The following FHIT variants were observed in gnomAD, a reference collection of about 807,000 sequenced individuals.
The protein encoded by FHIT is fragile histidine triad diadenosine triphosphatase.
FHIT carries 19 observed loss-of-function variants against 17.9 expected under a neutral mutation model. The ratio of observed to expected loss-of-function variants is 1.06; its 90% CI spans 0.74 to 1.56. The LOEUF is 1.56. FHIT is among the 40% of genes most tolerant of loss of function. FHIT has a pLI of 0.00. For synonymous variants in FHIT, 81 were observed against 69.7 expected (o/e 1.16, Z -0.81); for missense variants, 248 against 189.2 (o/e 1.31, Z -1.82).
intron 4 of FHIT, among the ~76,000 whole-genome samples, chr3:60,560,898 G>A (rs990422915): frequency 1.3e-5 from 2 of 151,012 alleles, no homozygotes; most frequent in Non-Finnish European, 3.0e-5. Flanking sequence ...GAGGAAGTGA[G>A]TAGGAAGGGA....
chr3:60,853,939 T>C (rs1703259973), intron 3 of FHIT, among the ~76,000 whole-genome samples: 1 of 152,134 alleles, frequency 6.6e-6, no homozygotes, highest in Non-Finnish European at 1.5e-5. Flanking sequence ...TGCAAAGATG[T>C]CTTCATGTAA....
intron 7 of FHIT, among the ~76,000 whole-genome samples, chr3:59,986,999 A>G (rs1226429828): frequency 7.7e-6 from 1 of 129,524 alleles, no homozygotes; most frequent in Non-Finnish European, 1.6e-5. Context: ...TATATTTTAT[A>G]TATATTAAAA....
At chr3:60,804,190 C>A (rs1235348798) in intron 4 of FHIT, among the ~76,000 whole-genome samples, 1 of 152,198 alleles carries the variant, frequency 6.6e-6, no homozygotes, top group Admixed American at 6.5e-5. Flanking sequence ...TTTAGCTCCA[C>A]GGAGGGCTAC....
intron 5 of FHIT, among the ~76,000 whole-genome samples, chr3:60,406,106 G>A (rs1701846806): frequency 6.6e-6 from 1 of 152,132 alleles, no homozygotes; most frequent in Non-Finnish European, 1.5e-5. Flanking sequence ...CAGGTACTAT[G>A]CTAAACATCT....
At chr3:60,236,425 G>C (rs1402773911) in intron 5 of FHIT, among the ~76,000 whole-genome samples, 1 of 151,882 alleles carries the variant, frequency 6.6e-6, no homozygotes, top group African/African-American at 2.4e-5. Context: ...CTCTCAGTTT[G>C]CTTCAAATCC....
intron 4 of FHIT, among the ~76,000 whole-genome samples, chr3:60,577,022 C>T (rs578188919): frequency 2.4e-4 from 37 of 151,188 alleles, no homozygotes; most frequent in Non-Finnish European, 4.7e-4. Flanking sequence ...TTCAACTTGT[C>T]GATCATCACC....
chr3:59,833,611 G>A (rs1055066353), intron 8 of FHIT, among the ~76,000 whole-genome samples: 3 of 152,034 alleles, frequency 2.0e-5, no homozygotes, highest in Non-Finnish European at 4.4e-5. Flanking sequence ...TGTTATGGTG[G>A]CCCTAGGAAA....
intron 5 of FHIT, among the ~76,000 whole-genome samples, chr3:60,095,987 A>C (rs575019023): frequency 1.3e-5 from 2 of 152,288 alleles, no homozygotes; most frequent in East Asian, 3.9e-4. Context: ...GAATCATAAA[A>C]AGACCAGAAA....
At chr3:60,741,800 T>C (rs548705129) in intron 4 of FHIT, among the ~76,000 whole-genome samples, 6 of 152,338 alleles carry the variant, frequency 3.9e-5, no homozygotes, top group East Asian at 1.9e-4. Context: ...AAAGCAACCA[T>C]TGAAATTTCC....
At chr3:60,592,545 C>T (rs1194338794) in intron 4 of FHIT, among the ~76,000 whole-genome samples, 1 of 152,072 alleles carries the variant, frequency 6.6e-6, no homozygotes, top group Non-Finnish European at 1.5e-5. Context: ...TGTGATGGTT[C>T]TTATTCTCCT....
intron 5 of FHIT, among the ~76,000 whole-genome samples, chr3:60,431,570 T>C (rs182107486): frequency 2.2e-4 from 33 of 152,268 alleles, no homozygotes; most frequent in Admixed American, 2.2e-3. Context: ...TATATTTTAA[T>C]TATTTCAAAT....
intron 8 of FHIT, among the ~76,000 whole-genome samples, chr3:59,825,554 A>G (rs1008233451): frequency 5.3e-5 from 8 of 152,214 alleles, no homozygotes; most frequent in Non-Finnish European, 1.0e-4. Flanking sequence ...TTTCTCCAAT[A>G]TCAATTTGCT....
At chr3:60,442,239 A>T (rs1313171283) in intron 5 of FHIT, among the ~76,000 whole-genome samples, 3 of 152,164 alleles carry the variant, frequency 2.0e-5, no homozygotes, top group African/African-American at 7.2e-5. Context: ...GTTTTGCCAC[A>T]TACCTAAGGT....
intron 8 of FHIT, among the ~76,000 whole-genome samples, chr3:59,840,599 G>A (rs1174078726): frequency 2.6e-5 from 4 of 152,112 alleles, no homozygotes; most frequent in African/African-American, 2.4e-5. Flanking sequence ...AATGCTGTAT[G>A]TTTATTACAT....
At chr3:60,593,950 A>G (rs1305908804) in intron 4 of FHIT, among the ~76,000 whole-genome samples, 1 of 152,128 alleles carries the variant, frequency 6.6e-6, no homozygotes. Context: ...ATATAAATTT[A>G]TAGGTATAAC....
intron 5 of FHIT, among the ~76,000 whole-genome samples, chr3:60,111,825 C>A (rs796179526): frequency 5.3e-5 from 8 of 152,350 alleles, no homozygotes; most frequent in African/African-American, 1.9e-4. Context: ...TAGACTTGCA[C>A]AGCCAAGGCC....
intron 5 of FHIT, among the ~76,000 whole-genome samples, chr3:60,514,399 G>A (rs1029646065): frequency 2.0e-4 from 30 of 152,204 alleles, no homozygotes; most frequent in Non-Finnish European, 2.9e-5. Context: ...TCCCTCCCGT[G>A]GGGAGTGGCC....
At chr3:59,812,257 C>T (rs1700433728) in intron 8 of FHIT, among the ~76,000 whole-genome samples, 1 of 152,172 alleles carries the variant, frequency 6.6e-6, no homozygotes, top group Non-Finnish European at 1.5e-5. Context: ...AAGGTCTAAA[C>T]AGGGTCTGAG....
At chr3:61,131,651 A>T (rs1004374450) in intron 2 of FHIT, among the ~76,000 whole-genome samples, 1 of 152,246 alleles carries the variant, frequency 6.6e-6, no homozygotes, top group African/African-American at 2.4e-5. Context: ...TTTGCCTGTC[A>T]TTTGTAAGAG....
Sources: gnomAD v4.1 joint callset for allele counts (sites outside exome capture counted in the v4.1 genomes callset) on GRCh38, gnomAD v4.1.1 for gene constraint, MANE v1.5 for transcripts, NCBI Gene and HGNC (gene_info 2026-07-23, HGNC 2026-07-21) for gene names.